COL4A1: variants seen among roughly 807,000 people sequenced by gnomAD.
The protein encoded by COL4A1 is collagen type IV alpha 1 chain, also known as collagen alpha-1(IV) chain.
COL4A1 carries 40 observed loss-of-function variants against 216.6 expected under a neutral mutation model. The ratio of observed to expected loss-of-function variants is 0.18; its 90% CI spans 0.14 to 0.24. The LOEUF (loss-of-function observed/expected upper bound fraction) is 0.24, where lower values mean the gene tolerates loss of function less well. COL4A1 is among the 10% of genes least tolerant of loss of function. The pLI is 1.00. For missense variants in COL4A1, 1,628 were observed against 2,196.8 expected, an observed-to-expected ratio of 0.74 and a Z score of 5.18; for synonymous variants, 839 against 810.7, an observed-to-expected ratio of 1.03 and a Z score of -0.59.
intron 1 of COL4A1, among the ~76,000 whole-genome samples, chr13:110,267,430 C>T (rs1053751873): frequency 3.9e-5 from 6 of 152,160 alleles, no homozygotes; most frequent in African/African-American, 1.4e-4. Flanking sequence ...CAGTGCCTCC[C>T]CTTCTCTAAA....
chr13:110,231,401 G>C (rs1230957533), intron 2 of COL4A1, among the ~76,000 whole-genome samples: 2 of 152,220 alleles, frequency 1.3e-5, no homozygotes, highest in East Asian at 3.8e-4. Context: ...ATTTGGAGGC[G>C]TAAATCATGG....
chr13:110,252,675 A>AATATGTATATATACATATAATT lies in COL4A1; in HGVS notation c.85-9963_85-9942dup, dbSNP rs1566416442. Among the ~76,000 whole-genome samples the AATATGTATATATACATATAATT allele has an allele frequency of 7.6e-3, 1,072 of 140,224 alleles. 37 individuals are homozygous for AATATGTATATATACATATAATT. Among genetic ancestry groups the AATATGTATATATACATATAATT allele is most frequent in the African/African-American group, 0.025 (934 of 38,092 alleles). 92.0% of individuals were successfully genotyped at this position (140,224 alleles called of 152,430 possible). A position where few individuals can be genotyped will look rare whatever the true frequency, so the allele number is the denominator to read the frequency against. On this transcript the variant is annotated intron_variant, in intron 1 of 51. Coordinates refer to ENST00000375820, the MANE Select transcript of COL4A1 (RefSeq NM_001845.6). ...AATGTATATATGTATATATACATAT[A>AATATGTATATATACATATAATT]ATATGTATATATACATATAATTATA...
In COL4A1 at chr13:110,162,427, G is replaced by A; in HGVS notation, c.4265C>T (p.Pro1422Leu). 1 of 1,613,966 alleles carries A rather than the reference G, an allele frequency of 6.2e-7. No individual in the cohort carries two copies. The change falls in exon 48 of 52, where the codon CCA becomes CTA. Residue 1422 changes from proline (P) to leucine (L), a missense_variant. This residue lies in a region of COL4A1 where 23 missense variants were observed against 55.3 expected (regional missense o/e 0.42). Transcript: ENST00000375820. Reference sequence around the variant, plus strand: ...CAACCCATCGGGGCCTGGTGGACCTGGAAATCCTCTTGGACCTGGAAGATA... The same window carrying A: ...CAACCCATCGGGGCCTGGTGGACCTAGAAATCCTCTTGGACCTGGAAGATA... ...PAGPTGPRGF[P>L]GPPGPDGLPG...
In COL4A1 at chr13:110,174,762, G is replaced by A. The variant is rs374557107; in HGVS notation, c.3199-13C>T. ...TCCCTTGATCTCCCTGCAAGTAAAA[G>A]TCAGGCATATTAACTTTACATTTGT... On this transcript the variant is annotated splice_polypyrimidine_tract_variant and intron_variant, in intron 37 of 51. Transcript: ENST00000375820. 1.2e-6 allele frequency: 2 copies of A among 1,612,202 alleles called. No individual in the cohort carries two copies. The highest frequency in any genetic ancestry group is 8.5e-7 in the Non-Finnish European group (1 of 1,178,458).
intron 42 of COL4A1, among the ~76,000 whole-genome samples, chr13:110,169,968 A>G (rs1412934256): frequency 8.4e-6 from 1 of 119,556 alleles, no homozygotes; most frequent in East Asian, 2.8e-4. Flanking sequence ...ACTATCTCTG[A>G]TAAAACACTG....
At chr13:110,210,487 G>A (rs551300849) in intron 8 of COL4A1, among the ~76,000 whole-genome samples, 1 of 152,200 alleles carries the variant, frequency 6.6e-6, no homozygotes, top group East Asian at 1.9e-4. Context: ...ACTGCCCGAG[G>A]ACCACCCCCA....
At chr13:110,285,774 A>G (rs1242234124) in intron 1 of COL4A1, among the ~76,000 whole-genome samples, 1 of 152,086 alleles carries the variant, frequency 6.6e-6, no homozygotes, top group Non-Finnish European at 1.5e-5. Flanking sequence ...AGGCCATACC[A>G]TCGCTTTCCC....
At chr13:110,235,486 T>TA (rs1566400664) in intron 2 of COL4A1, among the ~76,000 whole-genome samples, 1 of 151,764 alleles carries the variant, frequency 6.6e-6, no homozygotes, top group Non-Finnish European at 1.5e-5. Flanking sequence ...CCGTCTCTAC[T>TA]AAAAATACAA....
intron 2 of COL4A1, among the ~76,000 whole-genome samples, chr13:110,223,915 C>T (rs1880619189): frequency 6.6e-6 from 1 of 152,166 alleles, no homozygotes; most frequent in African/African-American, 2.4e-5. Context: ...AGGAATGTCC[C>T]TCAAGAGAGC....
At chr13:110,278,518 CCATT>C (rs1883507823) in intron 1 of COL4A1, among the ~76,000 whole-genome samples, 1 of 152,174 alleles carries the variant, frequency 6.6e-6, no homozygotes, top group Non-Finnish European at 1.5e-5. Context: ...ATTCATTCAT[CCATT>C]CATTCATTCT....
chr13:110,227,889 G>A (rs956215363), intron 2 of COL4A1, among the ~76,000 whole-genome samples: 2 of 152,162 alleles, frequency 1.3e-5, no homozygotes, highest in Non-Finnish European at 2.9e-5. Flanking sequence ...GCCCTGTCTC[G>A]GGTCTCCGGG....
rs530786667 is a variant in COL4A1, at chr13:110,271,952, C to T, written c.85-29218G>A. On this transcript the variant is annotated intron_variant, in intron 1 of 51. Transcript: ENST00000375820. ...TACTTGAAAAATGAATCCTAAATAG[C>T]TCATCGTATTTGTGGTCTTCAAAGC... Among the ~76,000 whole-genome samples the T allele has an allele frequency of 7.2e-5, 11 of 152,274 alleles. No individual in the cohort carries two copies. The East Asian group carries it at 2.1e-3, about 29-fold the overall frequency.
intron 2 of COL4A1, among the ~76,000 whole-genome samples, chr13:110,231,742 T>C (rs1881074678): frequency 6.6e-6 from 1 of 152,170 alleles, no homozygotes; most frequent in Admixed American, 6.5e-5. Flanking sequence ...ATTTACTGGC[T>C]CTACTATAGA....
intron 1 of COL4A1, among the ~76,000 whole-genome samples, chr13:110,284,324 A>G (rs1022891104): frequency 6.6e-6 from 1 of 152,190 alleles, no homozygotes; most frequent in Non-Finnish European, 1.5e-5. Flanking sequence ...GCATCTCTCT[A>G]ACATCTGACT....
At chr13:110,204,174 C>G (rs941075648) in intron 17 of COL4A1, among the ~76,000 whole-genome samples, 19 of 152,008 alleles carry the variant, frequency 1.2e-4, no homozygotes, top group African/African-American at 4.6e-4. Context: ...AGAAATTAAC[C>G]CTTTCATATC....
In COL4A1 at chr13:110,176,611, A is replaced by C. The variant is rs759130748; in HGVS notation, c.2968+15T>G. 1 of 1,609,994 alleles carries C rather than the reference A, an allele frequency of 6.2e-7. No homozygotes were observed. Among genetic ancestry groups the C allele is most frequent in the African/African-American group, 1.3e-5 (1 of 74,846 alleles). The stretch of plus-strand genomic sequence containing the variant: ...GAGCCCTTGCCACACTGGGGACCGG[A>C]GCTCCACACTGTACCTGGCTGCCCA... On this transcript the variant is annotated intron_variant, in intron 35 of 51. Transcript: ENST00000375820.
chr13:110,190,257 T>C (rs1878570698), intron 24 of COL4A1, among the ~76,000 whole-genome samples: 1 of 152,128 alleles, frequency 6.6e-6, no homozygotes. Flanking sequence ...AAAGGTCTTT[T>C]GATCCGTCTC....
At position 110,211,880 on chromosome 13, in the gene COL4A1, C is replaced by A. The variant is rs778175625; in HGVS notation, c.430G>T (p.Ala144Ser). 2.5e-6 allele frequency: 4 copies of A among 1,614,074 alleles called. No homozygotes were observed. Among genetic ancestry groups the A allele is most frequent in the East Asian group, 2.2e-5 (1 of 44,868 alleles). ...PLGPPGLPGF[A>S]GNPGPPGLPG... ...TAACCTCTACTCACGGGATTTCCAGCGAAACCAGGCAAGCCAGGAGGCCCG... is the reference window on the plus strand; with the variant it reads ...TAACCTCTACTCACGGGATTTCCAGAGAAACCAGGCAAGCCAGGAGGCCCG... Residue 144 changes from alanine (A) to serine (S), a missense_variant, in exon 7 of 52, where the codon GCT becomes TCT. Ala to Ser is a moderately conservative substitution (Grantham distance 99). Coordinates refer to ENST00000375820, the MANE Select transcript of COL4A1 (RefSeq NM_001845.6). The surrounding 1 kb of genome is among the most constrained non-coding windows in gnomAD (Gnocchi z 4.3).
At chr13:110,153,123 A>G (rs1228973180) in intron 50 of COL4A1, among the ~76,000 whole-genome samples, 1 of 152,232 alleles carries the variant, frequency 6.6e-6, no homozygotes, top group African/African-American at 2.4e-5. Context: ...AAACTTGACT[A>G]AGACATTACA....
Sources: allele counts gnomAD v4.1 joint callset (sites outside exome capture counted in the v4.1 genomes callset), GRCh38; gene constraint gnomAD v4.1.1; regional missense constraint gnomAD v4.1.1; non-coding constraint Gnocchi (gnomAD v3.1); transcripts MANE v1.5; gene names NCBI Gene and HGNC (gene_info 2026-07-23, HGNC 2026-07-21).